Variants in PRKN observed in about 807,000 individuals in gnomAD.
PRKN encodes parkin RBR E3 ubiquitin protein ligase.
Under a neutral mutation model 59.5 loss-of-function variants are expected in PRKN, and 56 were observed. The ratio of observed to expected loss-of-function variants is 0.94; its 90% CI spans 0.76 to 1.18. The LOEUF (loss-of-function observed/expected upper bound fraction) is 1.18, where lower values mean the gene tolerates loss of function less well. PRKN is among the 50% of genes most tolerant of loss of function. PRKN has a pLI of 0.00. For synonymous variants in PRKN, 250 were observed against 222.1 expected (o/e 1.13, Z -1.12); for missense variants, 657 against 596.4 (o/e 1.10, Z -1.06).
chr6:162,716,734 C>T (rs1220605368), intron 1 of PRKN, among the ~76,000 whole-genome samples: 1 of 149,336 alleles, frequency 6.7e-6, no homozygotes, highest in Non-Finnish European at 1.5e-5. Context: ...GCTTCATCAA[C>T]TAGTCCATAC....
chr6:161,678,133 TAAGA>T (rs1442977140), intron 7 of PRKN, among the ~76,000 whole-genome samples: 1 of 150,516 alleles, frequency 6.6e-6, no homozygotes, highest in Non-Finnish European at 1.5e-5. Context: ...CTCTTTAAAG[TAAGA>T]GTCAAGAAAT....
chr6:161,777,659 T>TA (rs1789983586), intron 7 of PRKN, among the ~76,000 whole-genome samples: 1 of 133,250 alleles, frequency 7.5e-6, no homozygotes, highest in Non-Finnish European at 1.6e-5. Flanking sequence ...TATATATATA[T>TA]TATATATATG....
At chr6:161,557,107 T>C (rs1378738770) in intron 8 of PRKN, among the ~76,000 whole-genome samples, 1 of 152,204 alleles carries the variant, frequency 6.6e-6, no homozygotes, top group Non-Finnish European at 1.5e-5. Flanking sequence ...ATAACTGTTT[T>C]TCTCCTGTAT....
At chr6:162,205,294 C>T (rs1784891904) in intron 3 of PRKN, among the ~76,000 whole-genome samples, 1 of 152,014 alleles carries the variant, frequency 6.6e-6, no homozygotes, top group Non-Finnish European at 1.5e-5. Context: ...TGAATAGAGC[C>T]AATATTTGAA....
At chr6:161,714,322 G>T (rs1786878076) in intron 7 of PRKN, among the ~76,000 whole-genome samples, 1 of 152,122 alleles carries the variant, frequency 6.6e-6, no homozygotes, top group African/African-American at 2.4e-5. Context: ...TTAAGAAATG[G>T]CTTCTTTAAG....
rs951873917 is a variant in PRKN at position 161,396,660 on chromosome 6, A to G, written c.1084-9783T>C. ...TATCATTTACAATCTGCAGCAAGGC[A>G]CTAGACTCTGTAGAAATGATTACGC... On this transcript the variant is annotated intron_variant, in intron 9 of 11. Coordinates refer to ENST00000366898, the MANE Select transcript of PRKN (RefSeq NM_004562.3). This position sits in a 1 kb window ranked among gnomAD's most constrained non-coding sequence, Gnocchi z 5.4. Among the ~76,000 whole-genome samples, 5 of 152,212 alleles carry G rather than the reference A, an allele frequency of 3.3e-5. No homozygotes were observed. The highest frequency in any genetic ancestry group is 1.2e-4 in the African/African-American group (5 of 41,442).
intron 9 of PRKN, among the ~76,000 whole-genome samples, chr6:161,536,616 A>C (rs1206375830): frequency 6.6e-6 from 1 of 152,176 alleles, no homozygotes; most frequent in Non-Finnish European, 1.5e-5. Flanking sequence ...CTGTTTGTAC[A>C]GGGAAGGTGC....
intron 7 of PRKN, among the ~76,000 whole-genome samples, chr6:161,571,642 T>C (rs886408624): frequency 6.6e-6 from 1 of 152,188 alleles, no homozygotes; most frequent in Non-Finnish European, 1.5e-5. Context: ...ATGTAGGATA[T>C]TTTAGAGAGG....
Position 161,471,923 on chromosome 6 carries a change from C to G in PRKN, c.1083+76931G>C, listed in dbSNP as rs1315210937. 3.3e-5 allele frequency among the ~76,000 whole-genome samples: 5 copies of G among 151,960 alleles called. No homozygotes were observed. Reference sequence around the variant, plus strand: ...TTGCTATGTGGTGGCAAGACCTCACCTGGAATCTGTTTAATTTCAATACCA... The same window carrying G: ...TTGCTATGTGGTGGCAAGACCTCACGTGGAATCTGTTTAATTTCAATACCA... On this transcript the variant is annotated intron_variant, in intron 9 of 11. Coordinates refer to ENST00000366898, the MANE Select transcript of PRKN (RefSeq NM_004562.3). This position sits in a 1 kb window ranked among gnomAD's most constrained non-coding sequence, Gnocchi z 4.5.
At chr6:162,713,448 C>T (rs532680996) in intron 1 of PRKN, among the ~76,000 whole-genome samples, 76 of 145,332 alleles carry the variant, frequency 5.2e-4, no homozygotes, top group Non-Finnish European at 8.3e-4. Flanking sequence ...GAGCCAAGAT[C>T]GCGCCACCGC....
chr6:162,053,170 T>C (rs1331774777), intron 5 of PRKN, among the ~76,000 whole-genome samples: 2 of 152,184 alleles, frequency 1.3e-5, no homozygotes, highest in Admixed American at 1.3e-4. Flanking sequence ...CTGTTTATTG[T>C]TGCCCACTGC....
intron 4 of PRKN, among the ~76,000 whole-genome samples, chr6:162,088,858 A>G (rs1779360572): frequency 6.6e-6 from 1 of 152,228 alleles, no homozygotes. Flanking sequence ...TAAACGGCAT[A>G]TGCAAAAGAA....
intron 3 of PRKN, among the ~76,000 whole-genome samples, chr6:162,252,335 T>C (rs1583270186): frequency 6.6e-6 from 1 of 152,302 alleles, no homozygotes; most frequent in Middle Eastern, 3.4e-3. Flanking sequence ...GGTTTGCCTA[T>C]CTGTATATAG....
At chr6:162,405,459 T>A (rs1453573296) in intron 2 of PRKN, among the ~76,000 whole-genome samples, 2 of 152,274 alleles carry the variant, frequency 1.3e-5, no homozygotes, top group East Asian at 3.9e-4. Flanking sequence ...ATAAGATACA[T>A]TCTGCCTCCA....
intron 7 of PRKN, among the ~76,000 whole-genome samples, chr6:161,649,861 A>C (rs753763039): frequency 6.6e-6 from 1 of 152,238 alleles, no homozygotes; most frequent in Non-Finnish European, 1.5e-5. Context: ...AACAGGGTAC[A>C]GTGACACTAT....
At chr6:161,773,130 C>T (rs540104190) in intron 7 of PRKN, among the ~76,000 whole-genome samples, 5 of 152,304 alleles carry the variant, frequency 3.3e-5, no homozygotes, top group Non-Finnish European at 5.9e-5. Context: ...TTCTGGGCTG[C>T]TGGCTCACAT....
In PRKN at chr6:162,164,395, T is replaced by G. The variant is rs1893541; in HGVS notation, c.534+36736A>C. On this transcript the variant is annotated intron_variant, in intron 4 of 11. Transcript: ENST00000366898. ...GGCTAATTTTTTTGTATTTTAGTAG[T>G]GACGGTGTGTTTCACCATGTTGCCC... 1.4e-4 allele frequency among the ~76,000 whole-genome samples: 20 copies of G among 147,376 alleles called. 2 individuals are homozygous for G. Among genetic ancestry groups the G allele is most frequent in the African/African-American group, 5.2e-4 (20 of 38,780 alleles).
chr6:161,875,982 G>A (rs1372618591), intron 6 of PRKN, among the ~76,000 whole-genome samples: 1 of 152,102 alleles, frequency 6.6e-6, no homozygotes, highest in African/African-American at 2.4e-5. Context: ...GGTAGTGAAA[G>A]ACTCTCAGAA....
chr6:162,429,344 G>A (rs942055756), intron 2 of PRKN, among the ~76,000 whole-genome samples: 1 of 152,128 alleles, frequency 6.6e-6, no homozygotes, highest in Non-Finnish European at 1.5e-5. Flanking sequence ...CAAGAAAAGG[G>A]ACCTTGTCTG....
Sources: gnomAD v4.1 joint callset for allele counts (sites outside exome capture counted in the v4.1 genomes callset) on GRCh38, gnomAD v4.1.1 for gene constraint, Gnocchi (gnomAD v3.1) non-coding constraint, MANE v1.5 for transcripts, NCBI Gene and HGNC (gene_info 2026-07-23, HGNC 2026-07-21) for gene names.